FAIM2: variants seen among roughly 807,000 people sequenced by gnomAD.
The protein encoded by FAIM2 is protein lifeguard 2.
In FAIM2, 27 loss-of-function variants were observed where a neutral mutation model predicts 47.4. The ratio of observed to expected loss-of-function variants is 0.57; its 90% CI spans 0.42 to 0.78. FAIM2 has a LOEUF of 0.78. Among genes scored for constraint, FAIM2 ranks in the 30% least tolerant of loss-of-function variants. FAIM2 has a pLI of 0.00. For missense variants in FAIM2, 311 were observed against 389.4 expected (o/e 0.80, Z 1.69); for synonymous variants, 156 against 159.3 (o/e 0.98, Z 0.16).
chr12:49,901,368 G>T (rs746911190), intron 1 of FAIM2, 43 bp from the exon 2 acceptor site: 30 of 1,439,224 alleles, frequency 2.1e-5, no homozygotes, highest in Non-Finnish European at 2.7e-5. Context: ...CCAGGGAAAG[G>T]GAGCCTTCCA....
In FAIM2 at chr12:49,878,885, T is replaced by G. The variant is rs62648568; in HGVS notation, c.802-8232A>C. On this transcript the variant is annotated intron_variant, in intron 11 of 11. Transcript: ENST00000320634. The stretch of plus-strand genomic sequence containing the variant: ...GTCTGTGCATGTGAGTGTGTATGCA[T>G]GTGTATATGTGCATGTGTATGCGTG... 6.0e-5 allele frequency among the ~76,000 whole-genome samples: 3 copies of G among 50,138 alleles called. 1 individual carries two copies. Among genetic ancestry groups the G allele is most frequent in the African/African-American group, 3.8e-4 (3 of 7,904 alleles). The allele number at this position is 50,138 out of a possible 152,430, so 32.9% of individuals were successfully genotyped here. A position where few individuals can be genotyped will look rare whatever the true frequency, so the allele number is the denominator to read the frequency against.
In FAIM2 at chr12:49,878,218, GTA is replaced by G. The variant is rs1302558549; in HGVS notation, c.802-7567_802-7566del. Among the ~76,000 whole-genome samples the G allele has an allele frequency of 4.5e-5, 6 of 133,892 alleles. 2 individuals are homozygous for G. Among genetic ancestry groups the G allele is most frequent in the African/African-American group, 1.4e-4 (5 of 35,552 alleles). The allele number at this position is 133,892 out of a possible 152,430, so 87.8% of individuals were successfully genotyped here. A position where few individuals can be genotyped will look rare whatever the true frequency, so the allele number is the denominator to read the frequency against. ...CATATGTGTATGTATGTGCTTGTGTGTATATGTGCATGAGTGTATGTGTGTAT... is the reference window on the plus strand; with the variant it reads ...CATATGTGTATGTATGTGCTTGTGTGTATGTGCATGAGTGTATGTGTGTAT... On this transcript the variant is annotated intron_variant, in intron 11 of 11. Coordinates refer to ENST00000320634, the MANE Select transcript of FAIM2 (RefSeq NM_012306.4).
intron 11 of FAIM2, among the ~76,000 whole-genome samples, chr12:49,877,765 C>T (rs1181141244): frequency 1.3e-5 from 2 of 151,542 alleles, no homozygotes; most frequent in East Asian, 1.9e-4. Flanking sequence ...TGTGTATGTG[C>T]GTATGTATAT....
At chr12:49,876,060 T>G (rs1462257544) in intron 11 of FAIM2, among the ~76,000 whole-genome samples, 2 of 152,200 alleles carry the variant, frequency 1.3e-5, no homozygotes, top group Non-Finnish European at 2.9e-5. Context: ...AAGAGCCATG[T>G]GTGGTCATAC....
intron 11 of FAIM2, among the ~76,000 whole-genome samples, chr12:49,884,201 G>T (rs1301639739): frequency 1.1e-4 from 16 of 150,036 alleles, no homozygotes; most frequent in African/African-American, 4.0e-4. Context: ...TCCAGCCTGG[G>T]CGACACAGCC....
At chr12:49,900,288 G>A (rs1479134496) in intron 2 of FAIM2, 6 of 1,143,774 alleles carry the variant, frequency 5.2e-6, no homozygotes, top group Non-Finnish European at 6.8e-6. Flanking sequence ...CATTGTCTCT[G>A]AGATCTCTTC....
intron 11 of FAIM2, among the ~76,000 whole-genome samples, chr12:49,880,495 T>TGTGTGTGTATGA (rs1491331678): frequency 1.3e-4 from 6 of 45,708 alleles, no homozygotes; most frequent in African/African-American, 9.3e-4. Flanking sequence ...TGCATGTGTA[T>TGTGTGTGTATGA]GTGTGTGTAT....
chr12:49,891,461 T>C (rs1259189548), intron 5 of FAIM2, among the ~76,000 whole-genome samples: 4 of 152,224 alleles, frequency 2.6e-5, no homozygotes, highest in Non-Finnish European at 4.4e-5. Flanking sequence ...TTAAGTGTTT[T>C]ACGAGTATCA....
intron 11 of FAIM2, among the ~76,000 whole-genome samples, chr12:49,880,159 C>CAT (rs1565614654): frequency 2.4e-5 from 1 of 42,034 alleles, no homozygotes; most frequent in African/African-American, 1.1e-4. Flanking sequence ...TATGTGTGTG[C>CAT]ATGTGTGTAT....
chr12:49,888,122 C>A (rs922597682), intron 10 of FAIM2, among the ~76,000 whole-genome samples: 4 of 152,218 alleles, frequency 2.6e-5, no homozygotes, highest in Non-Finnish European at 5.9e-5. Flanking sequence ...ACCCATCAAC[C>A]AGACCTGGGT....
chr12:49,894,870 C>T lies in FAIM2; in HGVS notation c.434+2161G>A, dbSNP rs578207688. Among the ~76,000 whole-genome samples the T allele has an allele frequency of 3.9e-5, 6 of 152,338 alleles. No individual in the cohort carries two copies. In the South Asian group the frequency reaches 1.2e-3, roughly 32 times the overall value. On this transcript the variant is annotated intron_variant, in intron 5 of 11. Coordinates refer to ENST00000320634, the MANE Select transcript of FAIM2 (RefSeq NM_012306.4). The stretch of plus-strand genomic sequence containing the variant: ...TCAAGTGAAAAACACATGTGAAGTG[C>T]TTAGCACGGTGCCCTCCATACAGAA...
At chr12:49,870,867 C>A (rs1162269249) in intron 11 of FAIM2, among the ~76,000 whole-genome samples, 2 of 152,232 alleles carry the variant, frequency 1.3e-5, no homozygotes, top group Non-Finnish European at 2.9e-5. Context: ...CACAGGGATA[C>A]AGCAGAGAAC....
In FAIM2 at chr12:49,867,274, C is replaced by T. The variant is rs118058504; in HGVS notation, c.*3230G>A. ...GGTGACTCTCCCAAACCAGGCCCTG[C>T]GTTTCCTCAAGCAGCCACTGGAGGG... On this transcript the variant is annotated 3_prime_UTR_variant, in exon 12 of 12. Coordinates refer to ENST00000320634, the MANE Select transcript of FAIM2 (RefSeq NM_012306.4). The T allele has an allele frequency of 0.021, 3,148 of 152,372 alleles. 44 individuals are homozygous for T. Among genetic ancestry groups the T allele is most frequent in the Middle Eastern group, 0.061 (18 of 294 alleles). 9.4% of individuals were successfully genotyped at this position (152,372 alleles called of 1,614,324 possible).
At chr12:49,891,197 C>A in intron 5 of FAIM2, 83 bp from the exon 6 acceptor site, 1 of 1,285,718 alleles carries the variant, frequency 7.8e-7, no homozygotes, top group Non-Finnish European at 1.1e-6. Flanking sequence ...CCACTCTCTG[C>A]CACCCCCACC....
intron 11 of FAIM2, among the ~76,000 whole-genome samples, chr12:49,878,061 CGT>C (rs147485870): frequency 0.016 from 2,369 of 144,238 alleles, 73 homozygotes; most frequent in African/African-American, 0.057. Flanking sequence ...TGTATATGTG[CGT>C]GTATGTGTGT....
At chr12:49,884,630 G>A (rs1946848020) in intron 11 of FAIM2, among the ~76,000 whole-genome samples, 1 of 152,176 alleles carries the variant, frequency 6.6e-6, no homozygotes, top group Non-Finnish European at 1.5e-5. Context: ...CACCAGGCTG[G>A]GCACAGGACA....
intron 8 of FAIM2, 46 bp downstream of exon 8, chr12:49,890,071 C>T: frequency 1.3e-6 from 2 of 1,595,218 alleles, no homozygotes; most frequent in Non-Finnish European, 8.6e-7. Context: ...TGCCTGGCTC[C>T]AAGCCTGGCC....
intron 5 of FAIM2, among the ~76,000 whole-genome samples, chr12:49,894,164 C>T (rs1225703506): frequency 6.6e-6 from 1 of 152,234 alleles, no homozygotes; most frequent in Non-Finnish European, 1.5e-5. Flanking sequence ...AATACTGGTA[C>T]CAACTCACTG....
chr12:49,897,232 CCA>C, intron 4 of FAIM2, 148 bp from the exon 5 acceptor site: 2 of 739,204 alleles, frequency 2.7e-6, no homozygotes, highest in Middle Eastern at 4.8e-4. Context: ...GAGTCCCAGC[CCA>C]CAGTCCCCGG....
Sources: gnomAD v4.1 joint callset for allele counts (sites outside exome capture counted in the v4.1 genomes callset) on GRCh38, gnomAD v4.1.1 for gene constraint, MANE v1.5 for transcripts, NCBI Gene and HGNC (gene_info 2026-07-23, HGNC 2026-07-21) for gene names.